Variants in GAB1 observed in about 807,000 individuals in gnomAD.
GAB1 encodes the protein GRB2-associated-binding protein 1.
In GAB1, 19 loss-of-function variants were observed where a neutral mutation model predicts 66.5. That is an observed-to-expected ratio of 0.29 (90% CI 0.20 to 0.42). GAB1 has a LOEUF of 0.42. Ranked by LOEUF, GAB1 falls within the 10% of genes least tolerant of loss-of-function variation. The pLI, the probability that GAB1 is intolerant of heterozygous loss-of-function variation, is 1.00. For missense variants in GAB1, 732 were observed against 858.5 expected (o/e 0.85, Z 1.84); for synonymous variants, 294 against 301.4 (o/e 0.98, Z 0.25).
intron 3 of GAB1, chr4:143,434,262 T>A: frequency 2.2e-6 from 1 of 449,914 alleles, no homozygotes; most frequent in Non-Finnish European, 3.5e-6. Context: ...ACAAATTGGA[T>A]GTTAGTGAAA....
At chr4:143,338,030 C>T (rs1728717864) in intron 1 of GAB1, among the ~76,000 whole-genome samples, 1 of 152,130 alleles carries the variant, frequency 6.6e-6, no homozygotes, top group Non-Finnish European at 1.5e-5. Flanking sequence ...ATTTCAGTTG[C>T]GGTCCTTTCC....
chr4:143,365,810 A>G (rs17687579), intron 1 of GAB1, among the ~76,000 whole-genome samples: 1,865 of 152,360 alleles, frequency 0.012, 20 homozygotes, highest in Non-Finnish European at 0.016. Flanking sequence ...GAATCTACTT[A>G]CATGCAGACT....
At chr4:143,415,041 A>G (rs1025040687) in intron 1 of GAB1, among the ~76,000 whole-genome samples, 16 of 152,246 alleles carry the variant, frequency 1.1e-4, no homozygotes, top group African/African-American at 3.9e-4. Context: ...GAATTTGACT[A>G]CTTGAACTAC....
chr4:143,403,074 C>T (rs1458152356), intron 1 of GAB1, among the ~76,000 whole-genome samples: 1 of 152,124 alleles, frequency 6.6e-6, no homozygotes, highest in Non-Finnish European at 1.5e-5. Flanking sequence ...GTCAACTGCA[C>T]ATGGTCTATC....
chr4:143,379,825 C>T (rs1186774755), intron 1 of GAB1, among the ~76,000 whole-genome samples: 1 of 151,852 alleles, frequency 6.6e-6, no homozygotes, highest in Non-Finnish European at 1.5e-5. Context: ...TGGGCTCAAG[C>T]TATCCTGCCT....
At chr4:143,445,736 G>T (rs543766337) in intron 6 of GAB1, among the ~76,000 whole-genome samples, 89 of 152,102 alleles carry the variant, frequency 5.9e-4, no homozygotes, top group African/African-American at 1.9e-3. Context: ...ATGATCATAT[G>T]TTTTTTGTTT....
intron 1 of GAB1, among the ~76,000 whole-genome samples, chr4:143,388,695 A>C (rs1212307917): frequency 6.6e-6 from 1 of 152,164 alleles, no homozygotes; most frequent in Non-Finnish European, 1.5e-5. Context: ...GATTATAGGC[A>C]TGAGTCACTG....
chr4:143,361,947 CATG>C (rs1729680217), intron 1 of GAB1, among the ~76,000 whole-genome samples: 1 of 150,308 alleles, frequency 6.7e-6, no homozygotes, highest in African/African-American at 2.5e-5. Context: ...TTTTAAGAAA[CATG>C]ATCTTGTTAT....
chr4:143,354,517 A>G (rs149568247), intron 1 of GAB1, among the ~76,000 whole-genome samples: 85 of 152,264 alleles, frequency 5.6e-4, no homozygotes, highest in African/African-American at 1.9e-3. Flanking sequence ...TAAAGTATAG[A>G]GAAAAAAAGG....
chr4:143,349,162 C>T (rs889187038), intron 1 of GAB1: 4 of 442,440 alleles, frequency 9.0e-6, no homozygotes, highest in East Asian at 4.0e-5. Context: ...TCATAGGTCC[C>T]CCCCTTCCTA....
At chr4:143,424,913 T>A in intron 2 of GAB1, 1 of 531,926 alleles carries the variant, frequency 1.9e-6, no homozygotes, top group Non-Finnish European at 3.4e-6. Flanking sequence ...CAAGATTGTT[T>A]CACTGCACTC....
chr4:143,343,185 G>A (rs1728879885), intron 1 of GAB1, among the ~76,000 whole-genome samples: 1 of 152,120 alleles, frequency 6.6e-6, no homozygotes, highest in African/African-American at 2.4e-5. Context: ...TTCAGCAGAA[G>A]CCCTGTTGCA....
At chr4:143,340,650 AT>A (rs1348069310) in intron 1 of GAB1, among the ~76,000 whole-genome samples, 1 of 152,150 alleles carries the variant, frequency 6.6e-6, no homozygotes, top group Non-Finnish European at 1.5e-5. Context: ...AGCTGGGATT[AT>A]AGGCATCCCC....
chr4:143,466,483 T>C (rs996522111), intron 9 of GAB1, among the ~76,000 whole-genome samples: 7 of 85,254 alleles, frequency 8.2e-5, no homozygotes, highest in Non-Finnish European at 1.9e-4. Context: ...ACAAATTCTT[T>C]TTTTTTTTTT....
intron 8 of GAB1, among the ~76,000 whole-genome samples, chr4:143,465,635 G>A (rs1735742431): frequency 6.6e-6 from 1 of 152,118 alleles, no homozygotes. Context: ...GGAAGGAAAA[G>A]ATCAGGCTAA....
intron 2 of GAB1, chr4:143,425,523 G>T: frequency 1.3e-6 from 1 of 762,366 alleles, no homozygotes; most frequent in Non-Finnish European, 2.4e-6. Flanking sequence ...TGTGGACATT[G>T]CCATCCCATG....
chr4:143,454,019 A>G (rs1348947044), intron 6 of GAB1, among the ~76,000 whole-genome samples: 1 of 152,178 alleles, frequency 6.6e-6, no homozygotes, highest in African/African-American at 2.4e-5. Context: ...CTTTGTGTAG[A>G]AATTAAAGTC....
At chr4:143,424,045 C>A (rs1230238881) in intron 2 of GAB1, among the ~76,000 whole-genome samples, 1 of 151,476 alleles carries the variant, frequency 6.6e-6, no homozygotes, top group Non-Finnish European at 1.5e-5. Flanking sequence ...AATTGCCTGG[C>A]TAGGTGATTT....
Position 143,438,547 on chromosome 4 carries a change from C to T in GAB1, c.1142C>T (p.Ser381Leu), listed in dbSNP as rs375965038. ...TACTGTATCCCTACAGCAGGGATGT[C>T]GCCTTCACGTAGTAATACCATTTCC... The part of the protein sequence containing the change: ...SSYCIPTAGM[S>L]PSRSNTISTV... Residue 381 changes from serine to leucine, a missense_variant, in exon 4 of 10, where the codon TCG becomes TTG. Coordinates refer to ENST00000262994, the MANE Select transcript of GAB1 (RefSeq NM_002039.4). The T allele has an allele frequency of 1.3e-5, 21 of 1,613,770 alleles. No individual in the cohort carries two copies. The highest frequency in any genetic ancestry group is 1.2e-4 in the African/African-American group (9 of 74,904).
Sources: allele counts gnomAD v4.1 joint callset (sites outside exome capture counted in the v4.1 genomes callset), GRCh38; gene constraint gnomAD v4.1.1; transcripts MANE v1.5; gene names NCBI Gene and HGNC (gene_info 2026-07-23, HGNC 2026-07-21).